Variants in SAMSN1 observed in about 807,000 individuals in gnomAD.
The protein encoded by SAMSN1 is SAM domain-containing protein SAMSN-1.
In SAMSN1, 31 loss-of-function variants were observed where a neutral mutation model predicts 42.0. The ratio of observed to expected loss-of-function variants is 0.74; its 90% confidence interval spans 0.55 to 1.00. SAMSN1 has a LOEUF of 1.00. Ranked by LOEUF, SAMSN1 falls within the 50% of genes least tolerant of loss-of-function variation. SAMSN1 has a pLI of 0.00. For synonymous variants in SAMSN1, 178 were observed against 151.9 expected (o/e 1.17, Z -1.26); for missense variants, 464 against 439.4 (o/e 1.06, Z -0.50).
intron 2 of SAMSN1, among the ~76,000 whole-genome samples, chr21:14,552,530 G>A (rs1301170413): frequency 1.3e-5 from 2 of 152,040 alleles, no homozygotes; most frequent in African/African-American, 2.4e-5. Context: ...ATAGCAAGAA[G>A]GTGCCATCTA....
At chr21:14,612,745 T>A in intron 4 of SAMSN1, 1 of 660,338 alleles carries the variant, frequency 1.5e-6, no homozygotes, top group Non-Finnish European at 2.8e-6. Flanking sequence ...AATGTTCTTC[T>A]ATATAATTCA....
At chr21:14,490,776 C>T (rs1036870581) in intron 7 of SAMSN1, among the ~76,000 whole-genome samples, 18 of 152,182 alleles carry the variant, frequency 1.2e-4, no homozygotes, top group Admixed American at 2.0e-4. Flanking sequence ...ATGACTTCCC[C>T]TCCTCTTGCA....
At chr21:14,608,481 AAC>A (rs1402479748) in intron 5 of SAMSN1, among the ~76,000 whole-genome samples, 1 of 152,176 alleles carries the variant, frequency 6.6e-6, no homozygotes, top group African/African-American at 2.4e-5. Context: ...GTCCTAAGTA[AAC>A]TTGAAAGGCA....
In SAMSN1 at chr21:14,582,387, T is replaced by A. The variant is rs756807173; in HGVS notation, c.10A>T (p.Arg4Ter). 2.6e-6 allele frequency: 4 copies of A among 1,550,262 alleles called. No homozygotes were observed. In the South Asian group the frequency reaches 4.8e-5, roughly 18 times the overall value. The change falls in exon 2 of 9, where the codon AGA becomes TGA. Residue 4 changes from arginine to a stop codon, truncating the protein, a stop_gained. Coordinates refer to the SAMSN1 transcript ENST00000285670. LOFTEE classifies it high-confidence loss of function. Reference sequence around the variant, plus strand: ...AGTGATGCAGAAAGAGTATCCAATCTAATCTCCATTTCTTCCTTCCTCCTC... The same window carrying A: ...AGTGATGCAGAAAGAGTATCCAATCAAATCTCCATTTCTTCCTTCCTCCTC...
intron 2 of SAMSN1, among the ~76,000 whole-genome samples, chr21:14,566,180 A>T (rs1486308315): frequency 6.6e-6 from 1 of 152,212 alleles, no homozygotes; most frequent in African/African-American, 2.4e-5. Flanking sequence ...CTCCACTTGC[A>T]TCTGAATTGA....
At chr21:14,517,885 C>T (rs1987984894) in intron 2 of SAMSN1, among the ~76,000 whole-genome samples, 2 of 152,144 alleles carry the variant, frequency 1.3e-5, no homozygotes, top group African/African-American at 4.8e-5. Context: ...CCTTGCCCCT[C>T]GCTACTTCTC....
chr21:14,592,109 T>G (rs981712835), intron 7 of SAMSN1: 27 of 152,248 alleles, frequency 1.8e-4, no homozygotes, highest in African/African-American at 6.0e-4. Context: ...TTGTGTTGAT[T>G]TAAGAGAAAA....
chr21:14,535,969 G>A (rs1028690640), intron 1 of SAMSN1, among the ~76,000 whole-genome samples: 1 of 152,218 alleles, frequency 6.6e-6, no homozygotes, highest in Non-Finnish European at 1.5e-5. Flanking sequence ...TTAGCCAGCT[G>A]TGGTGACAAA....
In SAMSN1 at chr21:14,612,208, C is replaced by T. The variant is rs147620790; in HGVS notation, c.235+668G>A. 1.1e-3 allele frequency among the ~76,000 whole-genome samples: 172 copies of T among 152,130 alleles called. 1 individual carries two copies. The highest frequency in any genetic ancestry group is 3.4e-3 in the African/African-American group (140 of 41,486). On this transcript the variant is annotated intron_variant, in intron 4 of 15. Transcript: ENST00000647101. ...AGATTGCACCATTGCATTTCCAGCCCGGCAACAGAGTGAGACTCCGTCTTA... is the reference window on the plus strand; with the variant it reads ...AGATTGCACCATTGCATTTCCAGCCTGGCAACAGAGTGAGACTCCGTCTTA...
upstream of SAMSN1, among the ~76,000 whole-genome samples, chr21:14,550,229 A>G (rs1238431383): frequency 6.6e-6 from 1 of 152,042 alleles, no homozygotes; most frequent in African/African-American, 2.4e-5. Context: ...TGAATCTCCT[A>G]TATTTCCTAA....
At chr21:14,554,985 C>A (rs1980713167) in intron 2 of SAMSN1, among the ~76,000 whole-genome samples, 1 of 152,094 alleles carries the variant, frequency 6.6e-6, no homozygotes, top group African/African-American at 2.4e-5. Flanking sequence ...CATGAATCAC[C>A]ACACCTACCC....
intron 5 of SAMSN1, among the ~76,000 whole-genome samples, chr21:14,505,978 G>A (rs1037053853): frequency 6.6e-6 from 1 of 151,764 alleles, no homozygotes; most frequent in Non-Finnish European, 1.5e-5. Flanking sequence ...ATGATCCCTG[G>A]GTGAAAAATG....
chr21:14,620,109 TA>T (rs1865548996), intron 2 of SAMSN1, among the ~76,000 whole-genome samples: 1 of 152,164 alleles, frequency 6.6e-6, no homozygotes, highest in African/African-American at 2.4e-5. Context: ...TGGTCCACTT[TA>T]GGAGAGAAGG....
At chr21:14,607,634 T>G (rs1170757442) in intron 5 of SAMSN1, among the ~76,000 whole-genome samples, 2 of 152,220 alleles carry the variant, frequency 1.3e-5, no homozygotes, top group African/African-American at 4.8e-5. Context: ...TCTTTCTTCC[T>G]TCTCTGACAA....
At chr21:14,628,471 G>T (rs1396551203) in intron 2 of SAMSN1, among the ~76,000 whole-genome samples, 1 of 151,970 alleles carries the variant, frequency 6.6e-6, no homozygotes, top group Admixed American at 6.6e-5. Context: ...AAAGTTCATA[G>T]ACTAATTTTT....
chr21:14,520,273 A>G (rs780971750), intron 2 of SAMSN1, among the ~76,000 whole-genome samples: 5 of 152,198 alleles, frequency 3.3e-5, no homozygotes, highest in South Asian at 2.1e-4. Context: ...TGAGAGTCCA[A>G]TTGAGCAGCT....
At chr21:14,520,324 C>T (rs974329978) in intron 2 of SAMSN1, among the ~76,000 whole-genome samples, 4 of 152,170 alleles carry the variant, frequency 2.6e-5, no homozygotes, top group African/African-American at 9.7e-5. Context: ...GCCACTTAAT[C>T]TTGTTCTAAT....
intron 2 of SAMSN1, among the ~76,000 whole-genome samples, chr21:14,578,016 C>T (rs766747526): frequency 2.0e-5 from 3 of 152,122 alleles, no homozygotes; most frequent in Admixed American, 6.5e-5. Flanking sequence ...TGTCTGATTC[C>T]GTTTGTTTAT....
upstream of SAMSN1, among the ~76,000 whole-genome samples, chr21:14,588,326 A>T (rs1266000012): frequency 2.3e-5 from 3 of 131,772 alleles, no homozygotes; most frequent in Non-Finnish European, 3.3e-5. Context: ...CGGCACACTG[A>T]CTTCCACAAT....
Sources: allele counts gnomAD v4.1 joint callset (sites outside exome capture counted in the v4.1 genomes callset), GRCh38; gene constraint gnomAD v4.1.1; transcripts MANE v1.5; gene names NCBI Gene and HGNC (gene_info 2026-07-23, HGNC 2026-07-21).